Variants in GFRA2 observed in about 807,000 individuals in gnomAD.
GFRA2 encodes GDNF family receptor alpha-2.
GFRA2 carries 17 observed loss-of-function variants against 48.3 expected under a neutral mutation model. That is an observed-to-expected ratio of 0.35 (90% CI 0.24 to 0.53). GFRA2 has a LOEUF of 0.53. Ranked by LOEUF, GFRA2 falls within the 20% of genes least tolerant of loss-of-function variation. GFRA2 has a pLI of 0.93. For missense variants in GFRA2, 660 were observed against 637.3 expected (o/e 1.04, Z -0.38); for synonymous variants, 305 against 257.2 (o/e 1.19, Z -1.78).
intron 4 of GFRA2, among the ~76,000 whole-genome samples, chr8:21,726,179 G>A (rs759055661): frequency 1.6e-4 from 25 of 152,116 alleles, no homozygotes; most frequent in Non-Finnish European, 3.2e-4. Context: ...TGGCACCCAC[G>A]CACTTCCTAT....
chr8:21,727,347 G>T (rs956461852), intron 4 of GFRA2, among the ~76,000 whole-genome samples: 2 of 152,102 alleles, frequency 1.3e-5, no homozygotes, highest in African/African-American at 4.8e-5. Flanking sequence ...CCTTGCCTCT[G>T]CTAGGGGCTC....
rs35138948 is a variant in GFRA2, at chr8:21,804,437, C to CA, written c.-36+579dup. ...TAAACTTCTCTGCTAAAAAAAAAAA[C>CA]AAAAAAAAAACAAACTGGTGCATTA... On this transcript the variant is annotated intron_variant, in intron 2 of 10. Coordinates refer to the GFRA2 transcript ENST00000517328. Among the ~76,000 whole-genome samples, 282 of 80,548 alleles carry CA rather than the reference C, an allele frequency of 3.5e-3. 4 individuals carry two copies. The South Asian group carries it at 0.055, about 16-fold the overall frequency. The allele number at this position is 80,548 out of a possible 152,430, so 52.8% of individuals were successfully genotyped here.
At chr8:21,785,713 TCTC>T (rs1360938122) in intron 1 of GFRA2, among the ~76,000 whole-genome samples, 1 of 151,864 alleles carries the variant, frequency 6.6e-6, no homozygotes, top group African/African-American at 2.4e-5. Context: ...ACTTTCCCCT[TCTC>T]CTTCTCTCCC....
chr8:21,694,641 G>C, intron 7 of GFRA2, 124 bp from the exon 8 acceptor site: 1 of 833,298 alleles, frequency 1.2e-6, no homozygotes, highest in Admixed American at 2.1e-5. Context: ...CAGCGCACAC[G>C]GTGAAGAGGG....
Position 21,750,606 on chromosome 8 carries a change from C to T in GFRA2, c.776G>A (p.Arg259Gln), listed in dbSNP as rs778427612. Residue 259 changes from arginine to glutamine, a missense_variant, in exon 4 of 9, where the codon CGG becomes CAG. By Grantham distance (43) the Arg-to-Gln change is conservative (BLOSUM62 1). Transcript: ENST00000524240. The surrounding 1 kb of genome is among the most constrained non-coding windows in gnomAD (Gnocchi z 5.7). ...PNCLDLRGVC[R>Q]TDHLCRSRLA... ...CACTCACCGACACAGGTGGTCAGTCCGGCACACGCCACGCAGGTCCAGGCA... is the reference window on the plus strand; with the variant it reads ...CACTCACCGACACAGGTGGTCAGTCTGGCACACGCCACGCAGGTCCAGGCA... The T allele has an allele frequency of 1.3e-5, 21 of 1,606,122 alleles. No individual in the cohort carries two copies. In the African/African-American group the frequency reaches 2.3e-4, roughly 17 times the overall value.
intron 3 of GFRA2, among the ~76,000 whole-genome samples, chr8:21,768,417 CCT>C (rs1806282904): frequency 1.3e-5 from 2 of 152,220 alleles, no homozygotes; most frequent in African/African-American, 4.8e-5. Context: ...CCCTCAGCCC[CCT>C]GTGCCCCCGC....
intron 1 of GFRA2, among the ~76,000 whole-genome samples, chr8:21,787,377 C>A (rs1395734193): frequency 6.6e-6 from 1 of 152,214 alleles, no homozygotes; most frequent in Non-Finnish European, 1.5e-5. Context: ...GGCCTCCCTC[C>A]CGCCTCTTCC....
intron 2 of GFRA2, among the ~76,000 whole-genome samples, chr8:21,801,517 A>C (rs1012139595): frequency 6.6e-6 from 1 of 152,158 alleles, no homozygotes; most frequent in African/African-American, 2.4e-5. Context: ...CAGGAAGAGA[A>C]CCCAGCAGGT....
At chr8:21,724,727 A>G (rs964673094) in intron 4 of GFRA2, among the ~76,000 whole-genome samples, 1 of 152,176 alleles carries the variant, frequency 6.6e-6, no homozygotes, top group Non-Finnish European at 1.5e-5. Flanking sequence ...AAAGGAGACC[A>G]AGAATAATCC....
At chr8:21,722,745 G>A (rs1803664108) in intron 4 of GFRA2, among the ~76,000 whole-genome samples, 1 of 152,152 alleles carries the variant, frequency 6.6e-6, no homozygotes, top group Non-Finnish European at 1.5e-5. Context: ...CCTGAATTAT[G>A]GGTCCTCTCT....
chr8:21,704,491 A>G (rs933485962), intron 6 of GFRA2, among the ~76,000 whole-genome samples: 3 of 152,176 alleles, frequency 2.0e-5, no homozygotes, highest in Non-Finnish European at 2.9e-5. Context: ...GGAGGGAAGG[A>G]AAGAGGGAAG....
intron 3 of GFRA2, among the ~76,000 whole-genome samples, chr8:21,772,395 T>C (rs1585325030): frequency 6.6e-6 from 1 of 152,142 alleles, no homozygotes; most frequent in East Asian, 1.9e-4. Flanking sequence ...CTTCGAACCC[T>C]TGGGCTCAAG....
At chr8:21,749,313 G>A (rs114001065) in intron 4 of GFRA2, among the ~76,000 whole-genome samples, 1,757 of 150,984 alleles carry the variant, frequency 0.012, 48 homozygotes, top group African/African-American at 0.04. Flanking sequence ...CAGGCTCTGC[G>A]CTAAGCTTTG....
At chr8:21,705,257 T>C in intron 5 of GFRA2, 132 bp from the exon 6 acceptor site, 1 of 802,988 alleles carries the variant, frequency 1.2e-6, no homozygotes, top group Non-Finnish European at 1.9e-6. Context: ...AAAACACACA[T>C]CCATCCCAAT....
chr8:21,743,093 G>C (rs1365138505), intron 4 of GFRA2, among the ~76,000 whole-genome samples: 8 of 152,184 alleles, frequency 5.3e-5, no homozygotes, highest in Non-Finnish European at 7.3e-5. Context: ...TTCCAGGGAG[G>C]GTCACTCGGG....
intron 7 of GFRA2, among the ~76,000 whole-genome samples, chr8:21,697,449 T>C (rs1802265574): frequency 6.6e-6 from 1 of 151,896 alleles, no homozygotes; most frequent in African/African-American, 2.4e-5. Flanking sequence ...TGCCCCAAGG[T>C]GTGGTCTCTG....
chr8:21,705,232 C>T (rs1038345868), intron 5 of GFRA2, 107 bp from the exon 6 acceptor site: 2 of 1,137,376 alleles, frequency 1.8e-6, no homozygotes, highest in Non-Finnish European at 2.5e-6. Flanking sequence ...GGTACCCATC[C>T]TCTGACCTGG....
At chr8:21,762,203 C>T (rs1411150297) in intron 3 of GFRA2, among the ~76,000 whole-genome samples, 2 of 152,110 alleles carry the variant, frequency 1.3e-5, no homozygotes, top group Admixed American at 1.3e-4. Flanking sequence ...CCCTTCTGGG[C>T]CCCCTCACCA....
intron 2 of GFRA2, among the ~76,000 whole-genome samples, chr8:21,775,893 G>A (rs1220408185): frequency 6.6e-6 from 1 of 152,108 alleles, no homozygotes; most frequent in Non-Finnish European, 1.5e-5. Flanking sequence ...ACAGTGTCAG[G>A]AATCCCACCC....
Sources: allele counts gnomAD v4.1 joint callset (sites outside exome capture counted in the v4.1 genomes callset), GRCh38; gene constraint gnomAD v4.1.1; non-coding constraint Gnocchi (gnomAD v3.1); transcripts MANE v1.5; gene names NCBI Gene and HGNC (gene_info 2026-07-23, HGNC 2026-07-21).